The following NDUFAF6 variants were observed in gnomAD, a reference collection of about 807,000 sequenced individuals.
NDUFAF6 encodes NADH dehydrogenase (ubiquinone) complex I, assembly factor 6.
NDUFAF6 carries 45 observed loss-of-function variants against 40.8 expected under a neutral mutation model. The observed-to-expected ratio is 1.10, with a 90% CI of 0.87 to 1.42. The LOEUF (loss-of-function observed/expected upper bound fraction) is 1.42, where lower values mean the gene tolerates loss of function less well. Among genes scored for constraint, NDUFAF6 ranks in the 40% most tolerant of loss-of-function variants. The pLI is 0.00. For missense variants in NDUFAF6, 435 were observed against 418.5 expected (o/e 1.04, Z -0.34); for synonymous variants, 185 against 155.9 (o/e 1.19, Z -1.39).
chr8:94,936,956 G>A (rs1344057030), intron 1 of NDUFAF6, among the ~76,000 whole-genome samples: 2 of 152,178 alleles, frequency 1.3e-5, no homozygotes. Context: ...AGATTCCCTG[G>A]TGGGAAGGCC....
At chr8:95,115,080 C>T (rs1405123321) in intron 4 of NDUFAF6, among the ~76,000 whole-genome samples, 1 of 151,060 alleles carries the variant, frequency 6.6e-6, no homozygotes, top group African/African-American at 2.4e-5. Flanking sequence ...AAAAAAGTGT[C>T]TATTGAGATA....
At chr8:95,011,581 C>T (rs1827229031) in intron 2 of NDUFAF6, among the ~76,000 whole-genome samples, 1 of 152,156 alleles carries the variant, frequency 6.6e-6, no homozygotes, top group Non-Finnish European at 1.5e-5. Context: ...AGCTGGTGCC[C>T]TCCTGGTGTA....
chr8:94,963,610 A>G (rs1260667523), intron 1 of NDUFAF6, among the ~76,000 whole-genome samples: 1 of 152,228 alleles, frequency 6.6e-6, no homozygotes, highest in African/African-American at 2.4e-5. Flanking sequence ...GGTTGGAACA[A>G]GGGCCGTAGC....
At chr8:95,005,552 T>TATATATATATATATATATATAA (rs1309264474) in intron 2 of NDUFAF6, among the ~76,000 whole-genome samples, 1 of 112,204 alleles carries the variant, frequency 8.9e-6, no homozygotes, top group African/African-American at 3.2e-5. Context: ...TATATATATA[T>TATATATATATATATATATATAA]AAAAAATATA....
intron 2 of NDUFAF6, chr8:94,950,972 C>T (rs1251602520): frequency 6.6e-6 from 1 of 152,186 alleles, no homozygotes; most frequent in Non-Finnish European, 1.5e-5. Flanking sequence ...ATGACCACAA[C>T]AGTATCTCCA....
At chr8:94,945,010 CCAGGCACACTGTG>C (rs1315725753) in intron 1 of NDUFAF6, among the ~76,000 whole-genome samples, 1 of 152,152 alleles carries the variant, frequency 6.6e-6, no homozygotes, top group African/African-American at 2.4e-5. Context: ...GAGGTAGCCA[CCAGGCACACTGTG>C]CACATGAACA....
chr8:95,044,742 C>T (rs1830542125), intron 4 of NDUFAF6: 1 of 151,606 alleles, frequency 6.6e-6, no homozygotes, highest in Non-Finnish European at 1.5e-5. Flanking sequence ...AGGCATGAGC[C>T]ACCGCACCCA....
At chr8:94,927,276 T>C in intron 1 of NDUFAF6, 1 of 152,550 alleles carries the variant, frequency 6.6e-6, no homozygotes, top group African/African-American at 2.4e-5. Flanking sequence ...ATATAATGTA[T>C]TTCATTGAGG....
intron 1 of NDUFAF6, among the ~76,000 whole-genome samples, chr8:94,972,811 G>T (rs1223122609): frequency 6.6e-6 from 1 of 151,982 alleles, no homozygotes; most frequent in African/African-American, 2.4e-5. Context: ...GAGGTGGGAG[G>T]CTTGCTTAAG....
chr8:94,931,611 T>TATATAA (rs1563721209), intron 1 of NDUFAF6, among the ~76,000 whole-genome samples: 1 of 137,068 alleles, frequency 7.3e-6, no homozygotes, highest in Non-Finnish European at 1.5e-5. Flanking sequence ...CACACACACA[T>TATATAA]AAAATTTTTT....
rs144917653 is a variant in NDUFAF6, at chr8:94,913,932, C to T, written c.-936+18005C>T. ...TCAGCCTCCTGAGTAGCTGAGACTA[C>T]AGGCATGCACCACCACGCCCAGCTA... On this transcript the variant is annotated intron_variant, in intron 1 of 14. Transcript: ENST00000396113. 7.3e-3 allele frequency among the ~76,000 whole-genome samples: 1,113 copies of T among 152,246 alleles called. 6 individuals carry two copies. Among genetic ancestry groups the T allele is most frequent in the African/African-American group, 0.025 (1,058 of 41,550 alleles).
chr8:94,954,099 C>T (rs1357287686), upstream of NDUFAF6, among the ~76,000 whole-genome samples: 1 of 152,072 alleles, frequency 6.6e-6, no homozygotes, highest in Non-Finnish European at 1.5e-5. Flanking sequence ...AATCTCGCTT[C>T]GTCGCCAGGC....
downstream of NDUFAF6, among the ~76,000 whole-genome samples, chr8:95,060,816 CT>C (rs1404358861): frequency 2.0e-5 from 3 of 152,102 alleles, no homozygotes; most frequent in South Asian, 2.1e-4. Context: ...AGTATTACTG[CT>C]TAAATTTCAG....
intron 1 of NDUFAF6, among the ~76,000 whole-genome samples, chr8:94,968,693 G>A (rs1333324015): frequency 6.6e-6 from 1 of 152,198 alleles, no homozygotes; most frequent in East Asian, 1.9e-4. Context: ...GTGATATCAT[G>A]ATCTGCTTTA....
At chr8:95,062,016 G>T (rs543160711), downstream of NDUFAF6, among the ~76,000 whole-genome samples, 1 of 152,068 alleles carries the variant, frequency 6.6e-6, no homozygotes, top group Non-Finnish European at 1.5e-5. Flanking sequence ...AAATTAGCTG[G>T]GCATAGTGGC....
chr8:95,094,860 C>T (rs1809400724), intron 2 of NDUFAF6, among the ~76,000 whole-genome samples: 1 of 151,554 alleles, frequency 6.6e-6, no homozygotes, highest in Non-Finnish European at 1.5e-5. Context: ...CCAAGACACC[C>T]TCCTGCATCA....
chr8:94,931,280 C>T (rs1014510285), intron 1 of NDUFAF6, among the ~76,000 whole-genome samples: 8 of 151,984 alleles, frequency 5.3e-5, no homozygotes, highest in African/African-American at 1.7e-4. Context: ...TACTCATTTG[C>T]CATTTTTCTA....
At chr8:94,934,850 G>C (rs1820801139) in intron 1 of NDUFAF6, among the ~76,000 whole-genome samples, 1 of 152,112 alleles carries the variant, frequency 6.6e-6, no homozygotes. Flanking sequence ...TAATAAACTT[G>C]TAGCACTGAA....
At position 95,044,117 on chromosome 8, in the gene NDUFAF6, C is replaced by T. The variant is rs966573364; in HGVS notation, c.478-1428C>T. ...CAAACAATATGCTAATTGAAAGAAG[C>T]CAGATACAAAAAGCTACATATTATA... On this transcript the variant is annotated intron_variant, in intron 4 of 8. Transcript: ENST00000396124. 8.5e-4 allele frequency among the ~76,000 whole-genome samples: 129 copies of T among 152,004 alleles called. 3 individuals are homozygous for T. The highest frequency in any genetic ancestry group is 2.6e-4 in the Non-Finnish European group (18 of 68,004).
Sources: gnomAD v4.1 joint callset for allele counts (sites outside exome capture counted in the v4.1 genomes callset) on GRCh38, gnomAD v4.1.1 for gene constraint, MANE v1.5 for transcripts, NCBI Gene and HGNC (gene_info 2026-07-23, HGNC 2026-07-21) for gene names.